FAM83F: variants seen among roughly 807,000 people sequenced by gnomAD.
FAM83F encodes the protein scaffolding CK1 anchoring protein F.
Under a neutral mutation model 42.9 loss-of-function variants are expected in FAM83F, and 45 were observed. That is an observed-to-expected ratio of 1.05 (90% CI 0.83 to 1.35). FAM83F has a LOEUF of 1.35. Among genes scored for constraint, FAM83F ranks in the 40% most tolerant of loss-of-function variants. The pLI, the probability that FAM83F is intolerant of heterozygous loss-of-function variation, is 0.00. For missense variants in FAM83F, 617 were observed against 695.9 expected (o/e 0.89, Z 1.28); for synonymous variants, 306 against 298.3 (o/e 1.03, Z -0.27).
Position 40,031,656 on chromosome 22 carries a change from G to A in FAM83F, c.*2091G>A, listed in dbSNP as rs1018760338. The stretch of plus-strand genomic sequence containing the variant: ...TTTTTCACACTTTCTTGGTAGAAAT[G>A]ATGGGGAGACCATATGTTAGGAAGC... On this transcript the variant is annotated 3_prime_UTR_variant, in exon 5 of 5. Coordinates refer to ENST00000333407, the MANE Select transcript of FAM83F (RefSeq NM_138435.4). 1 of 152,268 alleles carries A rather than the reference G, an allele frequency of 6.6e-6. No individual in the cohort carries two copies. The highest frequency in any genetic ancestry group is 1.5e-5 in the Non-Finnish European group (1 of 68,052). The allele number at this position is 152,268 out of a possible 1,614,324, so 9.4% of individuals were successfully genotyped here. A position where few individuals can be genotyped will look rare whatever the true frequency, so the allele number is the denominator to read the frequency against.
intron 1 of FAM83F, among the ~76,000 whole-genome samples, chr22:39,998,185 T>G (rs1250773418): frequency 6.6e-6 from 1 of 152,106 alleles, no homozygotes; most frequent in Non-Finnish European, 1.5e-5. Flanking sequence ...GGAGTTTCCT[T>G]TGTTTCTAGT....
rs373369149 is a variant in FAM83F, at chr22:40,019,244, G to A, written c.566G>A (p.Arg189Gln). The A allele has an allele frequency of 3.1e-6, 5 of 1,614,152 alleles. No homozygotes were observed. The highest frequency in any genetic ancestry group is 2.2e-5 in the East Asian group (1 of 44,884). Residue 189 changes from arginine to glutamine, a missense_variant, in exon 2 of 5, where the codon CGG becomes CAG. Physicochemically the swap from Arg to Gln is conservative, Grantham distance 43 (BLOSUM62 1). Coordinates refer to ENST00000333407, the MANE Select transcript of FAM83F (RefSeq NM_138435.4). Reference sequence around the variant, plus strand: ...ATTGTGGATGCTGCCTGTAAGCGCCGGGTCCCAGTGTACATCATCCTGGAC... The same window carrying A: ...ATTGTGGATGCTGCCTGTAAGCGCCAGGTCCCAGTGTACATCATCCTGGAC... ...QDIVDAACKR[R>Q]VPVYIILDEA... is the part of the protein sequence containing the mutation.
In FAM83F at chr22:40,021,873, G is replaced by T; in HGVS notation, c.1363G>T (p.Gly455Cys). 1 of 1,610,948 alleles carries T rather than the reference G, an allele frequency of 6.2e-7. No homozygotes were observed. The highest frequency in any genetic ancestry group is 1.1e-5 in the South Asian group (1 of 90,944). Residue 455 changes from glycine to cysteine, a missense_variant, in exon 4 of 5, where the codon GGC becomes TGC. Transcript: ENST00000333407. The surrounding 1 kb of genome is among the most constrained non-coding windows in gnomAD (Gnocchi z 8.7). ...AGCCAAGAGGCCTGCGGCGCCCAAT[G>T]GCATGGCCAGCTCTGTCTCCACCGA... Reference protein sequence around the residue: ...RRAKRPAAPNGMASSVSTETS... With the variant: ...RRAKRPAAPNCMASSVSTETS...
Position 39,995,297 on chromosome 22 carries a change from C to T in FAM83F, c.255C>T (p.Gly85=), listed in dbSNP as rs998186104. ...EDAVPAANAR[G]KSKAKAKAPA... ...CCGTCCCCGCCGCCAACGCCCGGGGCAAGAGCAAGGCCAAGGCCAAGGCCC... is the reference window on the plus strand; with the variant it reads ...CCGTCCCCGCCGCCAACGCCCGGGGTAAGAGCAAGGCCAAGGCCAAGGCCC... The change falls in exon 1 of 5, where the codon GGC becomes GGT. Residue 85 remains glycine, a synonymous_variant. Coordinates refer to ENST00000333407, the MANE Select transcript of FAM83F (RefSeq NM_138435.4). The surrounding 1 kb of genome is among the most constrained non-coding windows in gnomAD (Gnocchi z 4.6). The T allele has an allele frequency of 3.1e-5, 48 of 1,537,080 alleles. No homozygotes were observed. Among genetic ancestry groups the T allele is most frequent in the Non-Finnish European group, 3.9e-5 (45 of 1,145,832 alleles).
intron 1 of FAM83F, among the ~76,000 whole-genome samples, chr22:40,009,171 G>A (rs1055063973): frequency 6.6e-5 from 10 of 152,074 alleles, no homozygotes; most frequent in Admixed American, 5.9e-4. Flanking sequence ...GAGGCGACTC[G>A]GCCCCAGGCG....
At position 40,010,264 on chromosome 22, in the gene FAM83F, C is replaced by T. The variant is rs574414627; in HGVS notation, c.490-8904C>T. 2.6e-5 allele frequency: 4 copies of T among 152,278 alleles called. No individual in the cohort carries two copies. In the East Asian group the frequency reaches 5.8e-4, roughly 22 times the overall value. The allele number at this position is 152,278 out of a possible 1,614,324, so 9.4% of individuals were successfully genotyped here. A position where few individuals can be genotyped will look rare whatever the true frequency, so the allele number is the denominator to read the frequency against. Reference sequence around the variant, plus strand: ...CATCTACACTGGGAGCTTTGAAGTTCGCTCGGTGTGGGGAATCACGTGCTC... The same window carrying T: ...CATCTACACTGGGAGCTTTGAAGTTTGCTCGGTGTGGGGAATCACGTGCTC... On this transcript the variant is annotated intron_variant, in intron 1 of 4. Coordinates refer to ENST00000333407, the MANE Select transcript of FAM83F (RefSeq NM_138435.4).
At position 40,001,754 on chromosome 22, in the gene FAM83F, C is replaced by A. The variant is rs898157080; in HGVS notation, c.489+6223C>A. Among the ~76,000 whole-genome samples, 6 of 152,272 alleles carry A rather than the reference C, an allele frequency of 3.9e-5. No individual in the cohort carries two copies. In the East Asian group the frequency reaches 1.2e-3, roughly 29 times the overall value. The stretch of plus-strand genomic sequence containing the variant: ...TACTGGAAAGTATCATACAAATGTT[C>A]ATTATTTTAGAAAGTAACTGCTGTC... On this transcript the variant is annotated intron_variant, in intron 1 of 4. Transcript: ENST00000333407.
At chr22:40,000,662 G>A (rs1038673793) in intron 1 of FAM83F, among the ~76,000 whole-genome samples, 1 of 152,140 alleles carries the variant, frequency 6.6e-6, no homozygotes, top group Non-Finnish European at 1.5e-5. Flanking sequence ...ACTGGTTTTT[G>A]AATTCTGAAA....
intron 1 of FAM83F, among the ~76,000 whole-genome samples, chr22:40,008,043 T>C (rs574013770): frequency 6.6e-6 from 1 of 152,380 alleles, no homozygotes; most frequent in East Asian, 1.9e-4. Flanking sequence ...ACATTCAGCA[T>C]ATGGGTGTAG....
At chr22:40,012,528 G>T (rs1443134983) in intron 1 of FAM83F, among the ~76,000 whole-genome samples, 4 of 151,944 alleles carry the variant, frequency 2.6e-5, no homozygotes, top group African/African-American at 9.7e-5. Context: ...CTAGCACTTT[G>T]GGAGGTCGAG....
intron 1 of FAM83F, among the ~76,000 whole-genome samples, chr22:40,005,965 C>A (rs964398728): frequency 1.3e-5 from 2 of 152,196 alleles, no homozygotes; most frequent in Non-Finnish European, 2.9e-5. Flanking sequence ...TGTAGCCGGG[C>A]GCGGTGGCTC....
rs756708277 is a variant in FAM83F, at chr22:40,029,643, C to T, written c.*78C>T. On this transcript the variant is annotated 3_prime_UTR_variant, in exon 5 of 5. Coordinates refer to ENST00000333407, the MANE Select transcript of FAM83F (RefSeq NM_138435.4). The stretch of plus-strand genomic sequence containing the variant: ...TGCTGTGGAGAGCGCAGGTCGCACA[C>T]TGCACCAGTTTGCACATCAGACGCC... The T allele has an allele frequency of 2.1e-5, 33 of 1,557,204 alleles. No homozygotes were observed. Among genetic ancestry groups the T allele is most frequent in the Non-Finnish European group, 2.8e-5 (32 of 1,150,108 alleles).
chr22:40,003,830 G>A (rs991024242), intron 1 of FAM83F, among the ~76,000 whole-genome samples: 1 of 152,130 alleles, frequency 6.6e-6, no homozygotes, highest in African/African-American at 2.4e-5. Context: ...CAGCTTGCAC[G>A]CCGGTCATCA....
chr22:39,995,006 G>A lies in FAM83F; in HGVS notation c.-37G>A. ...GGCTGTGGGACCTCGGACCGCGGCG[G>A]GGCCGGGGCCAGGGCCGGGGCCGGG... On this transcript the variant is annotated 5_prime_UTR_variant, in exon 1 of 5. Transcript: ENST00000333407. The surrounding 1 kb of genome is among the most constrained non-coding windows in gnomAD (Gnocchi z 4.6). 8.2e-7 allele frequency: 1 copy of A among 1,215,416 alleles called. No homozygotes were observed. Among genetic ancestry groups the A allele is most frequent in the East Asian group, 3.2e-5 (1 of 31,026 alleles). 75.3% of individuals were successfully genotyped at this position (1,215,416 alleles called of 1,614,324 possible).
At chr22:40,007,479 CCTCCT>C (rs1207151463) in intron 1 of FAM83F, among the ~76,000 whole-genome samples, 5 of 24,620 alleles carry the variant, frequency 2.0e-4, no homozygotes, top group Non-Finnish European at 2.3e-4. Context: ...CTCCTCTCCT[CCTCCT>C]CTCCTCTCCT....
In FAM83F at chr22:40,021,668, C is replaced by T. The variant is rs1421913409; in HGVS notation, c.1158C>T (p.Pro386=). 5.0e-6 allele frequency: 8 copies of T among 1,610,280 alleles called. No homozygotes were observed. The highest frequency in any genetic ancestry group is 6.8e-6 in the Non-Finnish European group (8 of 1,177,534). ...KDLVTVEQVL[P]PVEPIPLGEL... The stretch of plus-strand genomic sequence containing the variant: ...TGGTTACGGTGGAGCAGGTGCTGCC[C>T]CCCGTGGAGCCCATCCCCTTGGGAG... The change falls in exon 4 of 5, where the codon CCC becomes CCT. Residue 386 remains proline, a synonymous_variant. Coordinates refer to ENST00000333407, the MANE Select transcript of FAM83F (RefSeq NM_138435.4). The surrounding 1 kb of genome is among the most constrained non-coding windows in gnomAD (Gnocchi z 8.7).
chr22:40,019,908 A>G lies in FAM83F; in HGVS notation c.679A>G (p.Thr227Ala), dbSNP rs1397133612. 1 of 1,612,912 alleles carries G rather than the reference A, an allele frequency of 6.2e-7. No individual in the cohort carries two copies. Among genetic ancestry groups the G allele is most frequent in the Admixed American group, 1.7e-5 (1 of 59,824 alleles). The change falls in exon 3 of 5, where the codon ACA (threonine) becomes GCA (alanine). Residue 227 changes from threonine (T) to alanine (A), a missense_variant. By Grantham distance (58) the Thr-to-Ala change is moderately conservative. Coordinates refer to ENST00000333407, the MANE Select transcript of FAM83F (RefSeq NM_138435.4). ...RIRNIRVRSV[T>A]GVGFYMPMGR... ...ACAGAACATCCGTGTCCGCTCTGTG[A>G]CAGGCGTCGGCTTCTACATGCCCAT...
At chr22:40,019,412 C>T (rs139219348) in intron 2 of FAM83F, 77 bp downstream of exon 2, 10 of 1,381,696 alleles carry the variant, frequency 7.2e-6, no homozygotes, top group Middle Eastern at 1.9e-4. Context: ...GCAGCTCCCC[C>T]CTGCCTCTTC....
In FAM83F at chr22:40,042,586, G is replaced by C. The variant is rs1036050563; in HGVS notation, c.*13021G>C. 6.6e-6 allele frequency: 1 copy of C among 152,116 alleles called. No individual in the cohort carries two copies. Among genetic ancestry groups the C allele is most frequent in the Non-Finnish European group, 1.5e-5 (1 of 68,034 alleles). The allele number at this position is 152,116 out of a possible 1,614,324, so 9.4% of individuals were successfully genotyped here. A position where few individuals can be genotyped will look rare whatever the true frequency, so the allele number is the denominator to read the frequency against. On this transcript the variant is annotated 3_prime_UTR_variant, in exon 5 of 5. Coordinates refer to ENST00000333407, the MANE Select transcript of FAM83F (RefSeq NM_138435.4). ...ATCATGGTTATCTGCTTATCTGCTGGACACCCCTACTCGACTGAGGTCCTT... is the reference window on the plus strand; with the variant it reads ...ATCATGGTTATCTGCTTATCTGCTGCACACCCCTACTCGACTGAGGTCCTT...
Sources: gnomAD v4.1 joint callset for allele counts (sites outside exome capture counted in the v4.1 genomes callset) on GRCh38, gnomAD v4.1.1 for gene constraint, Gnocchi (gnomAD v3.1) non-coding constraint, MANE v1.5 for transcripts, NCBI Gene and HGNC (gene_info 2026-07-23, HGNC 2026-07-21) for gene names.